The following TTC17 variants were observed in gnomAD, a reference collection of about 807,000 sequenced individuals.
TTC17 encodes tetratricopeptide repeat domain 17.
In TTC17, 58 loss-of-function variants were observed where a neutral mutation model predicts 143.8. The ratio of observed to expected loss-of-function variants is 0.40; its 90% CI spans 0.33 to 0.50. The LOEUF (loss-of-function observed/expected upper bound fraction) is 0.50, where lower values mean the gene tolerates loss of function less well. Among genes scored for constraint, TTC17 ranks in the 20% least tolerant of loss-of-function variants. The pLI is 0.49. For missense variants in TTC17, 1,273 were observed against 1,392.5 expected (o/e 0.91, Z 1.37); for synonymous variants, 501 against 497.8 (o/e 1.01, Z -0.09).
At chr11:43,445,583 G>A (rs1165571076) in intron 18 of TTC17, among the ~76,000 whole-genome samples, 3 of 152,146 alleles carry the variant, frequency 2.0e-5, no homozygotes, top group Non-Finnish European at 4.4e-5. Context: ...GAGATGATAC[G>A]AGAGCACTTA....
In TTC17 at chr11:43,494,042, G is replaced by A; in HGVS notation, c.*138G>A. 13 of 1,249,724 alleles carry A rather than the reference G, an allele frequency of 1.0e-5. No homozygotes were observed. The highest frequency in any genetic ancestry group is 1.4e-5 in the Non-Finnish European group (13 of 934,746). 77.4% of individuals were successfully genotyped at this position (1,249,724 alleles called of 1,614,324 possible). On this transcript the variant is annotated 3_prime_UTR_variant, in exon 24 of 24. Transcript: ENST00000039989. ...GACTTATAACAGGACTTTTACATAT[G>A]TGGGAATTGGTTTGTTTTTGTTTTT...
chr11:43,360,406 T>G (rs1337364938), intron 1 of TTC17, among the ~76,000 whole-genome samples: 2 of 152,236 alleles, frequency 1.3e-5, no homozygotes, highest in Non-Finnish European at 2.9e-5. Flanking sequence ...GAAAACACTG[T>G]AAGACCATAT....
chr11:43,430,543 A>G (rs189121014), intron 16 of TTC17, among the ~76,000 whole-genome samples: 40 of 152,280 alleles, frequency 2.6e-4, no homozygotes, highest in African/African-American at 9.6e-4. Flanking sequence ...GTCTATTAAA[A>G]TGTCCTTTAG....
At chr11:43,379,935 G>T (rs1267629893) in intron 2 of TTC17, among the ~76,000 whole-genome samples, 6 of 148,624 alleles carry the variant, frequency 4.0e-5, no homozygotes, top group African/African-American at 9.9e-5. Flanking sequence ...GAAAAACTAG[G>T]TTTTTTTTTT....
In TTC17 at chr11:43,396,768, G is replaced by A. The variant is rs766018392; in HGVS notation, c.723G>A (p.Glu241=). ...CATTTTACTGGAGAATTAAGAATGA[G>A]CCATATCAGGTAGTAGAATGTGCCA... ...MASFYWRIKN[E]PYQVVECAMR... The change falls in exon 6 of 24, where the codon GAG becomes GAA. Residue 241 remains glutamate, a synonymous_variant. Transcript: ENST00000039989. 2 of 1,610,914 alleles carry A rather than the reference G, an allele frequency of 1.2e-6. No individual in the cohort carries two copies. Among genetic ancestry groups the A allele is most frequent in the East Asian group, 2.2e-5 (1 of 44,802 alleles).
intron 2 of TTC17, among the ~76,000 whole-genome samples, chr11:43,386,249 G>A (rs1857165709): frequency 6.6e-6 from 1 of 152,004 alleles, no homozygotes; most frequent in East Asian, 1.9e-4. Flanking sequence ...AATATTGATA[G>A]TCATGCATTG....
intron 16 of TTC17, among the ~76,000 whole-genome samples, chr11:43,439,723 G>A (rs890028307): frequency 2.6e-5 from 4 of 151,946 alleles, no homozygotes; most frequent in African/African-American, 9.7e-5. Context: ...CTCCCGTCTC[G>A]ACCTCCCAAA....
At chr11:43,489,298 C>T (rs937996337) in intron 21 of TTC17, among the ~76,000 whole-genome samples, 1 of 152,164 alleles carries the variant, frequency 6.6e-6, no homozygotes, top group Non-Finnish European at 1.5e-5. Flanking sequence ...GAAGAATGGT[C>T]AACTCTACTC....
intron 21 of TTC17, among the ~76,000 whole-genome samples, chr11:43,488,720 G>A (rs1196452134): frequency 6.6e-6 from 1 of 151,974 alleles, no homozygotes; most frequent in Non-Finnish European, 1.5e-5. Flanking sequence ...TAAGAGACAG[G>A]GTCTCACTCT....
chr11:43,384,567 A>T lies in TTC17; in HGVS notation c.250-5085A>T, dbSNP rs1486153098. On this transcript the variant is annotated intron_variant, in intron 2 of 23. Transcript: ENST00000039989. ...CTACTTGGGAGGCTGAGGTGGCAGGATCACCTGAGCCAGGGATGCTGAGGT... is the reference window on the plus strand; with the variant it reads ...CTACTTGGGAGGCTGAGGTGGCAGGTTCACCTGAGCCAGGGATGCTGAGGT... 5.3e-5 allele frequency among the ~76,000 whole-genome samples: 8 copies of T among 151,980 alleles called. No individual in the cohort carries two copies. In the East Asian group the frequency reaches 1.5e-3, roughly 29 times the overall value.
chr11:43,467,000 T>A (rs1418971871), intron 21 of TTC17: 1 of 153,268 alleles, frequency 6.5e-6, no homozygotes, highest in Non-Finnish European at 1.5e-5. Flanking sequence ...TTCTTTGAGT[T>A]CTATATTTTC....
intron 21 of TTC17, 67 bp downstream of exon 21, chr11:43,451,332 C>T (rs898018059): frequency 1.4e-6 from 2 of 1,471,278 alleles, no homozygotes; most frequent in Non-Finnish European, 1.9e-6. Flanking sequence ...AAGTTATTTG[C>T]TCCTAAGTGT....
rs911465914 is a variant in TTC17, at chr11:43,484,306, G to C, written c.3031-5933G>C. Among the ~76,000 whole-genome samples the C allele has an allele frequency of 2.0e-5, 3 of 152,104 alleles. No individual in the cohort carries two copies. The East Asian group carries it at 5.8e-4, about 29-fold the overall frequency. On this transcript the variant is annotated intron_variant, in intron 21 of 23. Coordinates refer to ENST00000039989, the MANE Select transcript of TTC17 (RefSeq NM_018259.6). ...TTCCCGTAAACTCAATAAATAAAAA[G>C]TTGCATTTCTGTACAGCAGCACAAA...
At chr11:43,476,132 G>T (rs1331893862) in intron 21 of TTC17, among the ~76,000 whole-genome samples, 1 of 152,182 alleles carries the variant, frequency 6.6e-6, no homozygotes, top group Non-Finnish European at 1.5e-5. Flanking sequence ...GTGGAAAGTG[G>T]TACCTAAAGG....
At chr11:43,395,368 G>C (rs1454043639) in intron 5 of TTC17, 1 of 152,122 alleles carries the variant, frequency 6.6e-6, no homozygotes, top group Non-Finnish European at 1.5e-5. Context: ...CCAAAGTGCT[G>C]GGATTACAGG....
intron 1 of TTC17, among the ~76,000 whole-genome samples, chr11:43,363,685 C>T (rs1338220630): frequency 6.6e-6 from 1 of 152,200 alleles, no homozygotes; most frequent in Non-Finnish European, 1.5e-5. Context: ...TGTAGTACAA[C>T]TCCTAAGAGA....
In TTC17 at chr11:43,451,204, A is replaced by C. The variant is rs1485616139; in HGVS notation, c.2969A>C (p.Asp990Ala). ...CAGGTATTACAAAATCTCGGCAAAG[A>C]CCAATATCCACAACAGTCGCTTGAA... ...LTEVLQNLGK[D>A]QYPQQSLEQI... The change falls in exon 21 of 24, where the codon GAC (aspartate) becomes GCC (alanine). Residue 990 changes from aspartate (D) to alanine (A), a missense_variant. By Grantham distance (126) the Asp-to-Ala change is moderately radical (BLOSUM62 -2). Transcript: ENST00000039989. 2 of 1,613,778 alleles carry C rather than the reference A, an allele frequency of 1.2e-6. No homozygotes were observed. The highest frequency in any genetic ancestry group is 4.5e-5 in the East Asian group (2 of 44,882).
At chr11:43,477,654 A>G (rs1948209916) in intron 21 of TTC17, among the ~76,000 whole-genome samples, 1 of 152,238 alleles carries the variant, frequency 6.6e-6, no homozygotes, top group African/African-American at 2.4e-5. Context: ...CCATGATTCA[A>G]TTACTTCCTC....
chr11:43,449,094 G>C (rs989391473), intron 19 of TTC17: 3 of 152,382 alleles, frequency 2.0e-5, no homozygotes, highest in Non-Finnish European at 4.4e-5. Flanking sequence ...TGGTCCTCTT[G>C]CTCTGTTCAC....
Sources: allele counts gnomAD v4.1 joint callset (sites outside exome capture counted in the v4.1 genomes callset), GRCh38; gene constraint gnomAD v4.1.1; transcripts MANE v1.5; gene names NCBI Gene and HGNC (gene_info 2026-07-23, HGNC 2026-07-21).